DPP10: variants seen among roughly 807,000 people sequenced by gnomAD.
The protein encoded by DPP10 is inactive dipeptidyl peptidase 10.
A neutral mutation model predicts 120.9 loss-of-function variants in DPP10; 33 were observed. That is an observed-to-expected ratio of 0.27 (90% CI 0.21 to 0.37). The LOEUF is 0.37. DPP10 is among the 10% of genes least tolerant of loss of function. The probability of loss-of-function intolerance (pLI) is 1.00; values close to 1 mark genes in which losing one functional copy is unlikely to be tolerated. For missense variants in DPP10, 816 were observed against 942.8 expected (o/e 0.87, Z 1.76); for synonymous variants, 337 against 326.1 (o/e 1.03, Z -0.36).
intron 1 of DPP10, among the ~76,000 whole-genome samples, chr2:114,742,218 T>G (rs1678133009): frequency 6.6e-6 from 1 of 152,104 alleles, no homozygotes; most frequent in Admixed American, 6.5e-5. Flanking sequence ...TTTCCATAAT[T>G]TATACCTCCA....
chr2:114,525,891 T>G (rs1165021793), intron 1 of DPP10, among the ~76,000 whole-genome samples: 1 of 152,202 alleles, frequency 6.6e-6, no homozygotes, highest in Non-Finnish European at 1.5e-5. Context: ...TACTCCACAT[T>G]GGCTGGCCTG....
intron 1 of DPP10, among the ~76,000 whole-genome samples, chr2:115,033,062 G>A (rs1484985548): frequency 6.6e-6 from 1 of 152,016 alleles, no homozygotes; most frequent in East Asian, 1.9e-4. Context: ...TCCTTGCAGG[G>A]CACTTACCCA....
intron 5 of DPP10, among the ~76,000 whole-genome samples, chr2:115,552,658 G>T (rs932747099): frequency 1.3e-5 from 2 of 151,914 alleles, no homozygotes; most frequent in African/African-American, 4.8e-5. Flanking sequence ...TTTTAAATGT[G>T]TTTTTGTTGA....
At chr2:115,384,465 GAAGGAA>G (rs988398492) in intron 3 of DPP10, among the ~76,000 whole-genome samples, 22 of 67,024 alleles carry the variant, frequency 3.3e-4, no homozygotes, top group Non-Finnish European at 8.0e-4. Context: ...GAAGGAAGAA[GAAGGAA>G]GAAGAAGGAA....
At chr2:114,786,845 A>G (rs1682809077) in intron 1 of DPP10, among the ~76,000 whole-genome samples, 1 of 152,178 alleles carries the variant, frequency 6.6e-6, no homozygotes, top group East Asian at 1.9e-4. Context: ...AAAATTGGGA[A>G]TCCATGGGCT....
intron 1 of DPP10, among the ~76,000 whole-genome samples, chr2:114,917,204 C>A (rs1013982959): frequency 2.0e-5 from 3 of 152,022 alleles, no homozygotes; most frequent in Admixed American, 1.3e-4. Context: ...AATTAAGAAC[C>A]CAATCCCGTT....
rs145877362 is a variant in DPP10 at position 115,313,682 on chromosome 2, A to G, written c.175+4329A>G. 4.9e-4 allele frequency among the ~76,000 whole-genome samples: 75 copies of G among 152,334 alleles called. No individual in the cohort carries two copies. The East Asian group carries it at 0.013, about 27-fold the overall frequency. On this transcript the variant is annotated intron_variant, in intron 2 of 25. Transcript: ENST00000410059. ...TAATTTCGGTTTGATTGCAAATTTT[A>G]TTACAGAAGTAGTTTGACACATGTG...
chr2:115,103,204 T>C (rs2048783785), intron 1 of DPP10, among the ~76,000 whole-genome samples: 2 of 149,608 alleles, frequency 1.3e-5, no homozygotes, highest in South Asian at 4.2e-4. Context: ...TTTTTTTTTT[T>C]TGAGACGGAG....
At chr2:115,334,182 G>A (rs2062949755) in intron 2 of DPP10, among the ~76,000 whole-genome samples, 1 of 135,074 alleles carries the variant, frequency 7.4e-6, no homozygotes, top group South Asian at 2.4e-4. Context: ...AACTCCAAAA[G>A]TAATTCTAAT....
At chr2:114,903,356 T>G (rs1417473805) in intron 1 of DPP10, among the ~76,000 whole-genome samples, 3 of 152,198 alleles carry the variant, frequency 2.0e-5, no homozygotes, top group Non-Finnish European at 4.4e-5. Context: ...TGGAAAAAAT[T>G]ACCAAACTGT....
intron 1 of DPP10, among the ~76,000 whole-genome samples, chr2:115,237,858 T>G (rs2058077541): frequency 6.6e-6 from 1 of 152,130 alleles, no homozygotes; most frequent in African/African-American, 2.4e-5. Flanking sequence ...AAGGAAAACT[T>G]TGAAGTTAGC....
intron 1 of DPP10, among the ~76,000 whole-genome samples, chr2:114,512,239 C>T (rs908431357): frequency 3.9e-5 from 6 of 152,148 alleles, no homozygotes; most frequent in Non-Finnish European, 8.8e-5. Context: ...CAGGGGACCA[C>T]GGTGTCAGCC....
chr2:114,943,207 T>A (rs758722842), intron 1 of DPP10, among the ~76,000 whole-genome samples: 2 of 152,182 alleles, frequency 1.3e-5, no homozygotes, highest in Admixed American at 1.3e-4. Context: ...GCTTCATCCA[T>A]GTCCCTGCAA....
At chr2:115,751,670 C>T (rs983299653) in intron 10 of DPP10, among the ~76,000 whole-genome samples, 2 of 152,082 alleles carry the variant, frequency 1.3e-5, no homozygotes, top group African/African-American at 4.8e-5. Context: ...AGATATGTAA[C>T]ATTCATGTAG....
At chr2:115,777,138 G>A (rs762654281) in intron 13 of DPP10, 70 bp from the exon 14 acceptor site, 14 of 1,370,784 alleles carry the variant, frequency 1.0e-5, no homozygotes, top group Non-Finnish European at 1.3e-5. Flanking sequence ...CAAGCAGTTG[G>A]TACATTCGTG....
intron 1 of DPP10, among the ~76,000 whole-genome samples, chr2:115,234,175 A>G (rs2057881566): frequency 1.3e-5 from 2 of 152,110 alleles, no homozygotes; most frequent in Non-Finnish European, 2.9e-5. Context: ...TAATTTTTGC[A>G]TTACAATCAA....
intron 5 of DPP10, among the ~76,000 whole-genome samples, chr2:115,681,664 G>T (rs932686083): frequency 6.6e-6 from 1 of 151,124 alleles, no homozygotes; most frequent in Admixed American, 6.6e-5. Flanking sequence ...GTGAATTGTG[G>T]TTTTTTTCCC....
At chr2:115,024,426 T>C (rs1223567541) in intron 1 of DPP10, among the ~76,000 whole-genome samples, 1 of 151,980 alleles carries the variant, frequency 6.6e-6, no homozygotes, top group East Asian at 1.9e-4. Context: ...CCAATTTATC[T>C]CAATTTTAGC....
At chr2:115,297,349 C>A in intron 1 of DPP10, 1 of 310,598 alleles carries the variant, frequency 3.2e-6, no homozygotes, top group Non-Finnish European at 6.7e-6. Context: ...GCCAAGTTTA[C>A]TATTTTCTAT....
Sources: allele counts gnomAD v4.1 joint callset (sites outside exome capture counted in the v4.1 genomes callset), GRCh38; gene constraint gnomAD v4.1.1; transcripts MANE v1.5; gene names NCBI Gene and HGNC (gene_info 2026-07-23, HGNC 2026-07-21).